Variants in SHOC1 observed in about 807,000 individuals in gnomAD.
The protein encoded by SHOC1 is shortage in chiasmata 1.
SHOC1 carries 136 observed loss-of-function variants against 179.2 expected under a neutral mutation model. The observed-to-expected ratio is 0.76, with a 90% CI of 0.66 to 0.87. The LOEUF (loss-of-function observed/expected upper bound fraction) is 0.87. SHOC1 is among the 40% of genes least tolerant of loss of function. The pLI, the probability that SHOC1 is intolerant of heterozygous loss-of-function variation, is 0.00. For missense variants in SHOC1, 1,538 were observed against 1,700.8 expected (o/e 0.90, Z 1.68); for synonymous variants, 489 against 586.6 (o/e 0.83, Z 2.41).
At chr9:111,782,810 A>G (rs1197720755) in intron 3 of SHOC1, among the ~76,000 whole-genome samples, 2 of 152,224 alleles carry the variant, frequency 1.3e-5, no homozygotes, top group Admixed American at 1.3e-4. Context: ...TCAAATCTTT[A>G]GTGTCCATTC....
chr9:111,788,195 G>A (rs138932236), intron 2 of SHOC1, among the ~76,000 whole-genome samples: 168 of 148,372 alleles, frequency 1.1e-3, no homozygotes, highest in African/African-American at 3.8e-3. Flanking sequence ...ATGACACAGC[G>A]AGACTCCATC....
At position 111,714,469 on chromosome 9, in the gene SHOC1, C is replaced by G; in HGVS notation, c.2391G>C (p.Trp797Cys). ...CCTTAATTTGCTGTTGACTTTGCATCCAACTTAGTATCTGACATTGCAATT... is the reference window on the plus strand; with the variant it reads ...CCTTAATTTGCTGTTGACTTTGCATGCAACTTAGTATCTGACATTGCAATT... ...IQELQCQILS[W>C]MQSQQQIKVL... The change falls in exon 17 of 28, where the codon TGG becomes TGC. Residue 797 changes from tryptophan to cysteine, a missense_variant. Transcript: ENST00000682961. The G allele has an allele frequency of 1.2e-6, 2 of 1,613,674 alleles. No homozygotes were observed. The highest frequency in any genetic ancestry group is 1.7e-6 in the Non-Finnish European group (2 of 1,179,876).
intron 15 of SHOC1, among the ~76,000 whole-genome samples, chr9:111,719,871 A>G (rs1051323028): frequency 6.6e-6 from 1 of 152,222 alleles, no homozygotes; most frequent in African/African-American, 2.4e-5. Flanking sequence ...AAGAGAGTTA[A>G]CCTTTAAAAA....
At chr9:111,723,032 G>A (rs1232895560) in intron 14 of SHOC1, among the ~76,000 whole-genome samples, 3 of 151,982 alleles carry the variant, frequency 2.0e-5, no homozygotes, top group East Asian at 1.9e-4. Flanking sequence ...CGCCCACCTC[G>A]GCCTCCCAAA....
chr9:111,698,158 G>A (rs1831793668), intron 24 of SHOC1, among the ~76,000 whole-genome samples: 4 of 152,150 alleles, frequency 2.6e-5, no homozygotes, highest in Admixed American at 2.6e-4. Flanking sequence ...TCACTCTGAT[G>A]GTAGGTTTCT....
intron 27 of SHOC1, among the ~76,000 whole-genome samples, chr9:111,691,342 T>C (rs1831411996): frequency 6.6e-6 from 1 of 152,226 alleles, no homozygotes; most frequent in Non-Finnish European, 1.5e-5. Flanking sequence ...TTAAGTTGAA[T>C]GCTTAGTCCA....
intron 8 of SHOC1, among the ~76,000 whole-genome samples, chr9:111,749,401 A>G (rs1170292276): frequency 1.3e-5 from 2 of 152,100 alleles, no homozygotes; most frequent in South Asian, 2.1e-4. Context: ...TTATAATCTT[A>G]TTTTATGCTT....
chr9:111,725,764 A>C (rs1833269156), intron 13 of SHOC1, among the ~76,000 whole-genome samples: 1 of 152,212 alleles, frequency 6.6e-6, no homozygotes, highest in African/African-American at 2.4e-5. Context: ...ATGTTCTTTT[A>C]ATTGTTTAGT....
Position 111,727,987 on chromosome 9 carries a change from C to T in SHOC1, c.1480G>A (p.Ala494Thr), listed in dbSNP as rs1833386307. ...IALIDEKSTN[A>T]HLSLPQKSPS... Reference sequence around the variant, plus strand: ...CTCTTTTGTGGAAGTGATAAATGAGCATTTGTAGATTTTTCATCAATAAGT... The same window carrying T: ...CTCTTTTGTGGAAGTGATAAATGAGTATTTGTAGATTTTTCATCAATAAGT... Residue 494 changes from alanine to threonine, a missense_variant, in exon 13 of 28, where the codon GCT becomes ACT. Ala to Thr is a moderately conservative substitution (Grantham distance 58). Coordinates refer to ENST00000682961, the MANE Select transcript of SHOC1 (RefSeq NM_001378211.1). 3.7e-6 allele frequency: 6 copies of T among 1,609,068 alleles called. No homozygotes were observed. The highest frequency in any genetic ancestry group is 1.1e-5 in the South Asian group (1 of 89,716).
rs1564110503 is a variant in SHOC1 at position 111,704,012 on chromosome 9, T to G, written c.2856-20A>C. On this transcript the variant is annotated intron_variant, in intron 21 of 27. Transcript: ENST00000682961. Reference sequence around the variant, plus strand: ...TTATAGCTGTAAAATACAATATTCTTGAGTGAAAAAATGAAATGCTAATAA... The same window carrying G: ...TTATAGCTGTAAAATACAATATTCTGGAGTGAAAAAATGAAATGCTAATAA... 1 of 1,311,636 alleles carries G rather than the reference T, an allele frequency of 7.6e-7. No individual in the cohort carries two copies. Among genetic ancestry groups the G allele is most frequent in the Non-Finnish European group, 1.1e-6 (1 of 939,182 alleles). 81.2% of individuals were successfully genotyped at this position (1,311,636 alleles called of 1,614,324 possible).
At chr9:111,777,025 G>T (rs921493706) in intron 4 of SHOC1, among the ~76,000 whole-genome samples, 2 of 152,144 alleles carry the variant, frequency 1.3e-5, no homozygotes, top group African/African-American at 2.4e-5. Context: ...TTGGGAAGTG[G>T]GGAGTGCTGA....
At chr9:111,712,592 A>C (rs1832602130) in intron 18 of SHOC1, among the ~76,000 whole-genome samples, 1 of 152,156 alleles carries the variant, frequency 6.6e-6, no homozygotes, top group Non-Finnish European at 1.5e-5. Context: ...CACCAAGTGG[A>C]AAGGGTTGAC....
At chr9:111,712,621 T>G (rs1832605108) in intron 18 of SHOC1, among the ~76,000 whole-genome samples, 2 of 152,104 alleles carry the variant, frequency 1.3e-5, no homozygotes, top group Admixed American at 1.3e-4. Context: ...CAGTAGTGGG[T>G]AGAAAAGTGT....
intron 3 of SHOC1, 34 bp downstream of exon 3, chr9:111,785,877 TA>T: frequency 2.8e-6 from 4 of 1,419,856 alleles, no homozygotes; most frequent in Non-Finnish European, 3.7e-6. Flanking sequence ...AAATGGCTTT[TA>T]AAACACATTT....
At chr9:111,731,786 CTAA>C (rs1377297653) in intron 12 of SHOC1, among the ~76,000 whole-genome samples, 5 of 151,270 alleles carry the variant, frequency 3.3e-5, no homozygotes, top group African/African-American at 9.8e-5. Context: ...TGATATATAA[CTAA>C]TGAGATTAAA....
intron 5 of SHOC1, among the ~76,000 whole-genome samples, chr9:111,763,440 T>C (rs1174655797): frequency 6.6e-6 from 1 of 152,014 alleles, no homozygotes; most frequent in Non-Finnish European, 1.5e-5. Context: ...AAAGATCTTA[T>C]AAAAAATATT....
At chr9:111,709,459 A>G (rs887786503) in intron 18 of SHOC1, among the ~76,000 whole-genome samples, 2 of 152,260 alleles carry the variant, frequency 1.3e-5, no homozygotes, top group Non-Finnish European at 2.9e-5. Context: ...AACGCATAGA[A>G]AACAGAACTA....
chr9:111,724,705 T>A (rs1833220605), intron 13 of SHOC1, among the ~76,000 whole-genome samples: 1 of 152,052 alleles, frequency 6.6e-6, no homozygotes, highest in African/African-American at 2.4e-5. Context: ...CTAAAAAAAG[T>A]CATATATAAC....
chr9:111,745,349 C>T (rs553579581), intron 10 of SHOC1, among the ~76,000 whole-genome samples: 1 of 152,262 alleles, frequency 6.6e-6, no homozygotes, highest in South Asian at 2.1e-4. Context: ...ATTAAGGTTG[C>T]AGTTAGAAAG....
Sources: gnomAD v4.1 joint callset for allele counts (sites outside exome capture counted in the v4.1 genomes callset) on GRCh38, gnomAD v4.1.1 for gene constraint, MANE v1.5 for transcripts, NCBI Gene and HGNC (gene_info 2026-07-23, HGNC 2026-07-21) for gene names.